ZNF804B: variants seen among roughly 807,000 people sequenced by gnomAD.
The protein encoded by ZNF804B is zinc finger protein 804B.
Under a neutral mutation model 101.4 loss-of-function variants are expected in ZNF804B, and 80 were observed. The ratio of observed to expected loss-of-function variants is 0.79; its 90% CI spans 0.66 to 0.95. The LOEUF is 0.95. Among genes scored for constraint, ZNF804B ranks in the 40% least tolerant of loss-of-function variants. ZNF804B has a pLI of 0.00. For missense variants in ZNF804B, 1,673 were observed against 1,561.9 expected (o/e 1.07, Z -1.20); for synonymous variants, 622 against 558.8 (o/e 1.11, Z -1.59).
In ZNF804B at chr7:89,219,527, T is replaced by C. The variant is rs541135995; in HGVS notation, c.249+1232T>C. On this transcript the variant is annotated intron_variant, in intron 2 of 3. Coordinates refer to ENST00000333190, the MANE Select transcript of ZNF804B (RefSeq NM_181646.5). Reference sequence around the variant, plus strand: ...ATATACTACATATGGCTGCCTAAATTACCTACTCTCCAAATGTGAAGGAAG... The same window carrying C: ...ATATACTACATATGGCTGCCTAAATCACCTACTCTCCAAATGTGAAGGAAG... 8.0e-4 allele frequency among the ~76,000 whole-genome samples: 122 copies of C among 151,846 alleles called. 2 individuals are homozygous for C. The highest frequency in any genetic ancestry group is 2.3e-3 in the African/African-American group (95 of 41,244).
chr7:89,047,347 T>C (rs1789125411), intron 1 of ZNF804B, among the ~76,000 whole-genome samples: 2 of 152,202 alleles, frequency 1.3e-5, no homozygotes, highest in Non-Finnish European at 2.9e-5. Context: ...AACTTACAAT[T>C]GCCTAGTTGA....
intron 2 of ZNF804B, among the ~76,000 whole-genome samples, chr7:89,279,942 C>G (rs1392570837): frequency 6.6e-6 from 1 of 152,064 alleles, no homozygotes; most frequent in South Asian, 2.1e-4. Context: ...CACCCCAAAT[C>G]AACAGAATAT....
chr7:89,253,372 C>T (rs1043739351), intron 2 of ZNF804B, among the ~76,000 whole-genome samples: 4 of 151,702 alleles, frequency 2.6e-5, no homozygotes, highest in African/African-American at 7.3e-5. Context: ...GAGGCATCAG[C>T]CAAAAGTACA....
At chr7:88,904,188 A>G (rs1473508837) in intron 1 of ZNF804B, among the ~76,000 whole-genome samples, 1 of 152,138 alleles carries the variant, frequency 6.6e-6, no homozygotes, top group Non-Finnish European at 1.5e-5. Flanking sequence ...AGGTATCCCA[A>G]CAACATTTAT....
chr7:89,074,923 T>C (rs1359355361), intron 1 of ZNF804B, among the ~76,000 whole-genome samples: 3 of 152,208 alleles, frequency 2.0e-5, no homozygotes, highest in African/African-American at 7.2e-5. Context: ...ACTCTTCTTA[T>C]GTTTTTGCAA....
At chr7:89,072,860 C>A (rs1267560834) in intron 1 of ZNF804B, among the ~76,000 whole-genome samples, 1 of 152,042 alleles carries the variant, frequency 6.6e-6, no homozygotes, top group African/African-American at 2.4e-5. Flanking sequence ...ATTTTATCTT[C>A]TCTTAAACTA....
At chr7:89,198,967 A>G (rs904520242) in intron 1 of ZNF804B, among the ~76,000 whole-genome samples, 11 of 151,926 alleles carry the variant, frequency 7.2e-5, no homozygotes, top group Non-Finnish European at 1.0e-4. Flanking sequence ...AGGAGTTTAG[A>G]AGTAAAAAAG....
chr7:88,995,437 AC>A (rs1788174278), intron 1 of ZNF804B, among the ~76,000 whole-genome samples: 1 of 152,068 alleles, frequency 6.6e-6, no homozygotes. Flanking sequence ...AGAAATTCCA[AC>A]AAAAATGATG....
chr7:88,807,583 A>G (rs1448941595), intron 1 of ZNF804B, among the ~76,000 whole-genome samples: 4 of 151,038 alleles, frequency 2.6e-5, no homozygotes, highest in African/African-American at 9.7e-5. Context: ...TAAATTAATC[A>G]TTTTTTTTTC....
Position 89,171,356 on chromosome 7 carries a change from TTCCTCCTCTTCCTCTTCTTCC to T in ZNF804B, c.109-46796_109-46776del, listed in dbSNP as rs1461598009. 4.9e-4 allele frequency among the ~76,000 whole-genome samples: 49 copies of T among 99,350 alleles called. 2 individuals carry two copies. The highest frequency in any genetic ancestry group is 9.8e-4 in the Non-Finnish European group (44 of 44,726). 65.2% of individuals were successfully genotyped at this position (99,350 alleles called of 152,430 possible). ...CTTCTTCTTCTTCTTCTTCTTCTTC[TTCCTCCTCTTCCTCTTCTTCC>T]TCTTCTTCCTCTTCTTCCTCTTCTT... On this transcript the variant is annotated intron_variant, in intron 1 of 3. Transcript: ENST00000333190.
At chr7:88,955,221 C>G (rs1167039590) in intron 1 of ZNF804B, among the ~76,000 whole-genome samples, 1 of 151,318 alleles carries the variant, frequency 6.6e-6, no homozygotes, top group Non-Finnish European at 1.5e-5. Context: ...CCTCATATTT[C>G]TGAGTCCTCA....
At chr7:88,774,812 C>G (rs1408645741) in intron 1 of ZNF804B, among the ~76,000 whole-genome samples, 5 of 152,116 alleles carry the variant, frequency 3.3e-5, no homozygotes, top group African/African-American at 1.2e-4. Flanking sequence ...AAAAAGGAAG[C>G]TCCTAATAGA....
intron 1 of ZNF804B, among the ~76,000 whole-genome samples, chr7:89,016,420 T>C (rs1171039396): frequency 6.6e-6 from 1 of 151,002 alleles, no homozygotes; most frequent in Non-Finnish European, 1.5e-5. Context: ...CCCATGCCTA[T>C]GTCCTGAATG....
chr7:88,923,482 T>A (rs1792753619), intron 1 of ZNF804B, among the ~76,000 whole-genome samples: 1 of 152,178 alleles, frequency 6.6e-6, no homozygotes, highest in African/African-American at 2.4e-5. Flanking sequence ...AGACTGTGTT[T>A]ATCAAAGACA....
chr7:88,941,955 T>C (rs938668569), intron 1 of ZNF804B, among the ~76,000 whole-genome samples: 1 of 151,958 alleles, frequency 6.6e-6, no homozygotes, highest in South Asian at 2.1e-4. Context: ...TGAAGTCCCT[T>C]AGAGTTTCCT....
At chr7:89,255,277 A>C (rs1789610332) in intron 2 of ZNF804B, among the ~76,000 whole-genome samples, 1 of 152,158 alleles carries the variant, frequency 6.6e-6, no homozygotes, top group Non-Finnish European at 1.5e-5. Context: ...TGCCCCCGTG[A>C]TCCAGTCACC....
chr7:88,987,956 T>A (rs1793787978), intron 1 of ZNF804B, among the ~76,000 whole-genome samples: 1 of 151,960 alleles, frequency 6.6e-6, no homozygotes, highest in Non-Finnish European at 1.5e-5. Flanking sequence ...ACTCTCTACA[T>A]CCATAAAATC....
rs1029626455 is a variant in ZNF804B at position 88,981,965 on chromosome 7, T to G, written c.108+221881T>G. Among the ~76,000 whole-genome samples the G allele has an allele frequency of 3.9e-5, 6 of 152,030 alleles. No homozygotes were observed. The East Asian group carries it at 9.7e-4, about 25-fold the overall frequency. ...AACTAGGTACTCTGCTCACCTCATT[T>G]TTGATTCTTATAAAGGAGCTTTCTT... On this transcript the variant is annotated intron_variant, in intron 1 of 3. Transcript: ENST00000333190.
At chr7:89,315,929 C>T (rs1790720010) in intron 2 of ZNF804B, among the ~76,000 whole-genome samples, 1 of 152,054 alleles carries the variant, frequency 6.6e-6, no homozygotes, top group Non-Finnish European at 1.5e-5. Context: ...CCTAGGAGAA[C>T]TGGCTAACTC....
Sources: allele counts gnomAD v4.1 joint callset (sites outside exome capture counted in the v4.1 genomes callset), GRCh38; gene constraint gnomAD v4.1.1; transcripts MANE v1.5; gene names NCBI Gene and HGNC (gene_info 2026-07-23, HGNC 2026-07-21).